The following ERC1 variants were observed in gnomAD, a reference collection of about 807,000 sequenced individuals.
ERC1 encodes ELKS/RAB6-interacting/CAST family member 1.
Under a neutral mutation model 132.0 loss-of-function variants are expected in ERC1, and 56 were observed. The ratio of observed to expected loss-of-function variants is 0.42; its 90% CI spans 0.34 to 0.53. ERC1 has a LOEUF of 0.53. Ranked by LOEUF, ERC1 falls within the 20% of genes least tolerant of loss-of-function variation. ERC1 has a pLI of 0.03. For missense variants in ERC1, 1,202 were observed against 1,349.9 expected (o/e 0.89, Z 1.72); for synonymous variants, 478 against 476.1 (o/e 1.00, Z -0.05).
At chr12:1,290,069 C>T (rs1594796294) in intron 15 of ERC1, 57 bp downstream of exon 15, 3 of 1,463,976 alleles carry the variant, frequency 2.0e-6, no homozygotes, top group East Asian at 2.3e-5. Flanking sequence ...ACTTTTTCTC[C>T]CTGCATTCAT....
chr12:1,368,082 T>C (rs959611312), intron 15 of ERC1, among the ~76,000 whole-genome samples: 8 of 152,004 alleles, frequency 5.3e-5, no homozygotes, highest in African/African-American at 1.9e-4. Context: ...CGTTCACATT[T>C]TATGTGCTTG....
intron 8 of ERC1, among the ~76,000 whole-genome samples, chr12:1,171,162 G>C (rs368738566): frequency 1.3e-5 from 2 of 152,050 alleles, no homozygotes; most frequent in Non-Finnish European, 2.9e-5. Flanking sequence ...CTTGCTACCC[G>C]ACATCTTTGC....
intron 8 of ERC1, among the ~76,000 whole-genome samples, chr12:1,144,638 GTATATATATACGTA>G (rs1950175949): frequency 7.2e-6 from 1 of 139,732 alleles, no homozygotes; most frequent in African/African-American, 3.2e-5. Flanking sequence ...ATATATACGT[GTATATATATACGTA>G]TATATATATA....
At chr12:1,464,422 C>G (rs2093701361) in intron 18 of ERC1, among the ~76,000 whole-genome samples, 2 of 151,800 alleles carry the variant, frequency 1.3e-5, no homozygotes, top group South Asian at 4.2e-4. Flanking sequence ...CCCAAACTCA[C>G]CAGGTCTAAA....
At chr12:1,042,338 G>GTTTTTTT (rs776086251) in intron 2 of ERC1, among the ~76,000 whole-genome samples, 4 of 120,974 alleles carry the variant, frequency 3.3e-5, no homozygotes, top group Non-Finnish European at 3.3e-5. Flanking sequence ...CGCCCGGCCT[G>GTTTTTTT]TTTTTTTTTT....
chr12:1,240,092 C>A (rs888069522), intron 13 of ERC1, among the ~76,000 whole-genome samples: 1 of 152,158 alleles, frequency 6.6e-6, no homozygotes, highest in African/African-American at 2.4e-5. Context: ...AATGAAGGGG[C>A]TATCACTGGC....
chr12:1,185,705 C>G (rs61914305), intron 11 of ERC1, among the ~76,000 whole-genome samples: 30,107 of 150,486 alleles, frequency 0.2, 3,588 homozygotes, highest in Non-Finnish European at 0.27. Flanking sequence ...CTCACCTCTC[C>G]CTTCCCGAAA....
chr12:1,044,264 T>C (rs373868706), intron 2 of ERC1, among the ~76,000 whole-genome samples: 2 of 152,228 alleles, frequency 1.3e-5, no homozygotes, highest in East Asian at 1.9e-4. Flanking sequence ...TTAGAGTCTT[T>C]CTTCTGAAAT....
intron 17 of ERC1, among the ~76,000 whole-genome samples, chr12:1,436,754 T>G (rs767855711): frequency 6.6e-6 from 1 of 152,160 alleles, no homozygotes; most frequent in Non-Finnish European, 1.5e-5. Context: ...TGCAGGGAGT[T>G]AAAAGCCACC....
chr12:1,130,794 G>C (rs1948690150), intron 7 of ERC1, among the ~76,000 whole-genome samples: 1 of 152,084 alleles, frequency 6.6e-6, no homozygotes, highest in South Asian at 2.1e-4. Context: ...CGTGTGGTCT[G>C]TAATGCTGTC....
intron 16 of ERC1, among the ~76,000 whole-genome samples, chr12:1,394,971 A>C (rs2090408848): frequency 6.6e-6 from 1 of 152,142 alleles, no homozygotes; most frequent in South Asian, 2.1e-4. Context: ...ACTTGCCTGC[A>C]TTTTCTTCTT....
At chr12:1,473,200 A>AT (rs1555119107) in intron 18 of ERC1, among the ~76,000 whole-genome samples, 1 of 151,936 alleles carries the variant, frequency 6.6e-6, no homozygotes, top group Non-Finnish European at 1.5e-5. Flanking sequence ...TAATTTTTGT[A>AT]TTTTTTTAAG....
chr12:1,362,305 C>T (rs2086202658), intron 15 of ERC1, among the ~76,000 whole-genome samples: 1 of 152,200 alleles, frequency 6.6e-6, no homozygotes, highest in African/African-American at 2.4e-5. Context: ...CCAGCATTCA[C>T]CAGGTCTTAT....
At chr12:1,141,826 C>T in intron 8 of ERC1, 39 bp downstream of exon 8, 1 of 1,438,484 alleles carries the variant, frequency 7.0e-7, no homozygotes, top group Admixed American at 2.2e-5. Flanking sequence ...GCCCATTCCT[C>T]ATACATCTTC....
At chr12:1,095,094 GACTT>G (rs1240616953) in intron 3 of ERC1, among the ~76,000 whole-genome samples, 2 of 152,054 alleles carry the variant, frequency 1.3e-5, no homozygotes, top group African/African-American at 4.8e-5. Flanking sequence ...AGTAAAAGTT[GACTT>G]ACTTTTACAA....
At chr12:1,441,036 A>G (rs1486981800) in intron 17 of ERC1, among the ~76,000 whole-genome samples, 1 of 151,732 alleles carries the variant, frequency 6.6e-6, no homozygotes, top group African/African-American at 2.4e-5. Context: ...AGCCATCAGC[A>G]TAAAATGCAT....
At chr12:1,002,850 C>CT (rs1341864056) in intron 1 of ERC1, among the ~76,000 whole-genome samples, 3 of 151,864 alleles carry the variant, frequency 2.0e-5, no homozygotes, top group Admixed American at 1.3e-4. Flanking sequence ...CCAATTTTAT[C>CT]TTTTTTTTCT....
intron 1 of ERC1, among the ~76,000 whole-genome samples, chr12:993,669 C>T (rs927320912): frequency 1.4e-4 from 22 of 151,954 alleles, no homozygotes; most frequent in African/African-American, 4.4e-4. Context: ...TTTGGGAGGC[C>T]GAGGCAGGCG....
At chr12:1,195,438 A>G (rs1278924499) in intron 12 of ERC1, among the ~76,000 whole-genome samples, 1 of 152,194 alleles carries the variant, frequency 6.6e-6, no homozygotes, top group Non-Finnish European at 1.5e-5. Context: ...CTCCAGAAGT[A>G]GATTCAGATT....
Sources: allele counts gnomAD v4.1 joint callset (sites outside exome capture counted in the v4.1 genomes callset), GRCh38; gene constraint gnomAD v4.1.1; transcripts MANE v1.5; gene names NCBI Gene and HGNC (gene_info 2026-07-23, HGNC 2026-07-21).